The following KCNJ6 variants were observed in gnomAD, a reference collection of about 807,000 sequenced individuals.
The protein encoded by KCNJ6 is potassium inwardly rectifying channel subfamily J member 6.
In KCNJ6, 9 loss-of-function variants were observed where a neutral mutation model predicts 34.2. The observed-to-expected ratio is 0.26, with a 90% CI of 0.16 to 0.46. The LOEUF (loss-of-function observed/expected upper bound fraction) is 0.46, where lower values mean the gene tolerates loss of function less well. KCNJ6 is among the 20% of genes least tolerant of loss of function. KCNJ6 has a pLI of 1.00. For synonymous variants in KCNJ6, 196 were observed against 207.1 expected (o/e 0.95, Z 0.46); for missense variants, 236 against 531.3 (o/e 0.44, Z 5.46).
chr21:37,749,884 T>C (rs2054986374), intron 2 of KCNJ6, among the ~76,000 whole-genome samples: 2 of 152,186 alleles, frequency 1.3e-5, no homozygotes, highest in Admixed American at 1.3e-4. Flanking sequence ...GCAGTAATCA[T>C]ACCTATGCAG....
intron 1 of KCNJ6, among the ~76,000 whole-genome samples, chr21:37,907,953 T>A (rs750411753): frequency 2.0e-4 from 31 of 152,222 alleles, no homozygotes; most frequent in South Asian, 4.1e-4. Flanking sequence ...ATTCTCTTCA[T>A]TAAACAGAAG....
At chr21:37,722,908 A>G (rs1033124819) in intron 2 of KCNJ6, among the ~76,000 whole-genome samples, 2 of 152,240 alleles carry the variant, frequency 1.3e-5, no homozygotes, top group African/African-American at 4.8e-5. Context: ...CCTTGAAAAC[A>G]ATTGCAACAA....
At chr21:37,907,130 G>A (rs747588437) in intron 1 of KCNJ6, among the ~76,000 whole-genome samples, 9 of 152,158 alleles carry the variant, frequency 5.9e-5, no homozygotes, top group Admixed American at 2.0e-4. Context: ...AAAAACCTCC[G>A]AAGAGAGATT....
intron 2 of KCNJ6, among the ~76,000 whole-genome samples, chr21:37,763,116 G>T (rs888419378): frequency 5.3e-5 from 8 of 152,074 alleles, no homozygotes; most frequent in African/African-American, 1.9e-4. Flanking sequence ...CATGTGAGGA[G>T]GAATTTTCCA....
rs747149867 is a variant in KCNJ6, at chr21:37,625,222, G to T, written c.1209C>A (p.Asn403Lys). ...CATTTCTTTCTGTTTGCTCTTCGAG[G>T]TTCTTTTCTTCCTCTTCAGTCTCCA... ...AELETEEEEK[N>K]LEEQTERNGD... Residue 403 changes from asparagine to lysine, a missense_variant, in exon 4 of 4, where the codon AAC becomes AAA. This residue lies in a region of KCNJ6 where 43 missense variants were observed against 52.1 expected (regional missense o/e 0.82). Coordinates refer to ENST00000609713, the MANE Select transcript of KCNJ6 (RefSeq NM_002240.5). 1.2e-6 allele frequency: 2 copies of T among 1,614,220 alleles called. No homozygotes were observed. The highest frequency in any genetic ancestry group is 1.6e-4 in the Middle Eastern group (1 of 6,062).
At chr21:37,839,520 C>T (rs534009174) in intron 2 of KCNJ6, among the ~76,000 whole-genome samples, 2 of 152,258 alleles carry the variant, frequency 1.3e-5, no homozygotes, top group African/African-American at 2.4e-5. Flanking sequence ...TTAATAGTCT[C>T]ATGATTAGAG....
At chr21:37,860,876 G>T (rs1350982985) in intron 1 of KCNJ6, among the ~76,000 whole-genome samples, 1 of 114,180 alleles carries the variant, frequency 8.8e-6, no homozygotes, top group African/African-American at 3.9e-5. Flanking sequence ...TCTTCATTGT[G>T]TATGTGGGTA....
intron 1 of KCNJ6, among the ~76,000 whole-genome samples, chr21:37,845,973 C>A (rs186744870): frequency 6.6e-6 from 1 of 152,052 alleles, no homozygotes; most frequent in South Asian, 2.1e-4. Flanking sequence ...ACACATCAAA[C>A]GTTTGGGGTA....
At chr21:37,829,746 A>C (rs1276079312) in intron 2 of KCNJ6, among the ~76,000 whole-genome samples, 1 of 152,196 alleles carries the variant, frequency 6.6e-6, no homozygotes, top group African/African-American at 2.4e-5. Context: ...CATGCGAGAG[A>C]GGAAGACACT....
chr21:37,912,188 G>C (rs2055869988), intron 1 of KCNJ6, among the ~76,000 whole-genome samples: 1 of 152,156 alleles, frequency 6.6e-6, no homozygotes, highest in African/African-American at 2.4e-5. Flanking sequence ...CAAGTGAATG[G>C]GGGCGAATTT....
At chr21:37,766,578 A>T (rs1190835186) in intron 2 of KCNJ6, among the ~76,000 whole-genome samples, 1 of 152,156 alleles carries the variant, frequency 6.6e-6, no homozygotes, top group African/African-American at 2.4e-5. Flanking sequence ...TCAGTATGGG[A>T]CACTCTGATG....
intron 1 of KCNJ6, among the ~76,000 whole-genome samples, chr21:37,886,758 G>T (rs1027902121): frequency 6.6e-6 from 1 of 152,186 alleles, no homozygotes; most frequent in African/African-American, 2.4e-5. Context: ...TGTCACTCTG[G>T]CTTCAGAGCC....
At chr21:37,870,956 CT>C (rs1004620669) in intron 1 of KCNJ6, among the ~76,000 whole-genome samples, 41 of 152,292 alleles carry the variant, frequency 2.7e-4, no homozygotes, top group African/African-American at 9.6e-4. Flanking sequence ...AATCCCAAGT[CT>C]TGGAAGATGC....
chr21:37,790,833 A>G (rs1338150807), intron 2 of KCNJ6, among the ~76,000 whole-genome samples: 1 of 152,234 alleles, frequency 6.6e-6, no homozygotes, highest in Non-Finnish European at 1.5e-5. Context: ...TCACATCACA[A>G]TCACATGCCC....
chr21:37,818,574 C>T (rs569208397), intron 2 of KCNJ6, among the ~76,000 whole-genome samples: 10 of 152,228 alleles, frequency 6.6e-5, no homozygotes, highest in African/African-American at 2.4e-4. Context: ...TCTATAGTAA[C>T]CTACGATGCA....
intron 2 of KCNJ6, among the ~76,000 whole-genome samples, chr21:37,812,835 T>A (rs535836311): frequency 6.6e-6 from 1 of 152,300 alleles, no homozygotes; most frequent in East Asian, 1.9e-4. Context: ...ACTGAAAGCC[T>A]TTCCTCTAAG....
chr21:37,829,653 T>G (rs1333419829), intron 2 of KCNJ6, among the ~76,000 whole-genome samples: 1 of 152,178 alleles, frequency 6.6e-6, no homozygotes, highest in Non-Finnish European at 1.5e-5. Context: ...ATGCAGTGAC[T>G]CATGTTGTGA....
chr21:37,771,342 CT>C (rs1312806146), intron 2 of KCNJ6, among the ~76,000 whole-genome samples: 7 of 152,172 alleles, frequency 4.6e-5, no homozygotes, highest in African/African-American at 1.7e-4. Context: ...TGAGTCTTCT[CT>C]GAGATAAGAA....
intron 3 of KCNJ6, among the ~76,000 whole-genome samples, chr21:37,647,818 T>C (rs1569437067): frequency 6.6e-6 from 1 of 152,152 alleles, no homozygotes; most frequent in Non-Finnish European, 1.5e-5. Flanking sequence ...CCCAATGACA[T>C]GGTGTGGCCC....
Sources: gnomAD v4.1 joint callset for allele counts (sites outside exome capture counted in the v4.1 genomes callset) on GRCh38, gnomAD v4.1.1 for gene constraint, gnomAD v4.1.1 regional missense constraint, MANE v1.5 for transcripts, NCBI Gene and HGNC (gene_info 2026-07-23, HGNC 2026-07-21) for gene names.